Variants in MAST3 observed in about 807,000 individuals in gnomAD.
MAST3 encodes microtubule associated serine/threonine kinase 3.
A neutral mutation model predicts 127.0 loss-of-function variants in MAST3; 43 were observed. That is an observed-to-expected ratio of 0.34 (90% CI 0.27 to 0.44). MAST3 has a LOEUF of 0.44. Ranked by LOEUF, MAST3 falls within the 20% of genes least tolerant of loss-of-function variation. The pLI is 1.00. For missense variants in MAST3, 1,390 were observed against 1,919.1 expected, an observed-to-expected ratio of 0.72 and a Z score of 5.15; for synonymous variants, 785 against 809.2, an observed-to-expected ratio of 0.97 and a Z score of 0.51.
In MAST3 at chr19:18,149,753, C is replaced by T; in HGVS notation, c.*27C>T. On this transcript the variant is annotated 3_prime_UTR_variant, in exon 28 of 28. Coordinates refer to ENST00000687212, the MANE Select transcript of MAST3 (RefSeq NM_001393504.1). This position sits in a 1 kb window ranked among gnomAD's most constrained non-coding sequence, Gnocchi z 5.9. ...CCCCTGCCAGGTCTCTCCCTGGCAT[C>T]AAAGTTACGCGTTTTCTTGTGCAAT... The T allele has an allele frequency of 6.2e-7, 1 of 1,608,218 alleles. No homozygotes were observed. The highest frequency in any genetic ancestry group is 8.5e-7 in the Non-Finnish European group (1 of 1,178,956).
At chr19:18,117,297 C>A (rs2039380908) in intron 3 of MAST3, among the ~76,000 whole-genome samples, 1 of 152,188 alleles carries the variant, frequency 6.6e-6, no homozygotes, top group African/African-American at 2.4e-5. Context: ...CCCCTTACAT[C>A]TGATTTGTGT....
chr19:18,122,628 C>G, intron 5 of MAST3, 45 bp from the exon 6 acceptor site: 1 of 1,550,828 alleles, frequency 6.4e-7, no homozygotes, highest in Non-Finnish European at 8.8e-7. Flanking sequence ...CCACAAACCA[C>G]AGGGGCCAGG....
intron 20 of MAST3, among the ~76,000 whole-genome samples, chr19:18,139,883 G>A (rs1375965080): frequency 2.1e-5 from 3 of 141,980 alleles, no homozygotes; most frequent in Admixed American, 7.0e-5. Flanking sequence ...GCAGTGGCGT[G>A]ATCTCTGCTC....
At chr19:18,147,699 G>A in intron 27 of MAST3, 75 bp downstream of exon 27, 2 of 1,073,152 alleles carry the variant, frequency 1.9e-6, no homozygotes, top group Non-Finnish European at 1.3e-6. Context: ...AGGGAGGAAG[G>A]AGTTCAGGGG....
chr19:18,121,632 C>T (rs953666967), intron 3 of MAST3, 53 bp from the exon 4 acceptor site: 8 of 1,505,178 alleles, frequency 5.3e-6, no homozygotes, highest in Non-Finnish European at 7.4e-6. Flanking sequence ...GGGCAGGTGG[C>T]TTAGCGCGGG....
intron 20 of MAST3, among the ~76,000 whole-genome samples, chr19:18,140,978 G>A (rs545036841): frequency 5.9e-5 from 9 of 151,996 alleles, no homozygotes; most frequent in African/African-American, 2.2e-4. Context: ...ATTTTTAGTA[G>A]CGACCAGGTT....
chr19:18,146,967 C>A lies in MAST3; in HGVS notation c.3249C>A (p.Gly1083=). ...CCGCCCGGAAGAATGTGGCCAAGGG[C>A]CGCATGGCACGCAGGAGCAAGAGGA... ...VGPARKNVAK[G]RMARRSKRSR... is the part of the protein sequence containing the mutation. The change falls in exon 26 of 28, where the codon GGC becomes GGA. Residue 1083 remains glycine (G), a synonymous_variant. Coordinates refer to ENST00000687212, the MANE Select transcript of MAST3 (RefSeq NM_001393504.1). 1 of 1,564,084 alleles carries A rather than the reference C, an allele frequency of 6.4e-7. No individual in the cohort carries two copies. The highest frequency in any genetic ancestry group is 1.2e-5 in the South Asian group (1 of 84,744).
At chr19:18,100,750 T>TG (rs1022077963) in intron 1 of MAST3, among the ~76,000 whole-genome samples, 1 of 152,182 alleles carries the variant, frequency 6.6e-6, no homozygotes, top group African/African-American at 2.4e-5. Flanking sequence ...AGCCCCAGTT[T>TG]GGGGTCTCTT....
At chr19:18,106,030 T>C (rs2038043804) in intron 1 of MAST3, among the ~76,000 whole-genome samples, 1 of 152,200 alleles carries the variant, frequency 6.6e-6, no homozygotes, top group South Asian at 2.1e-4. Flanking sequence ...TATTAGTTTT[T>C]AGCCACTACT....
At chr19:18,117,098 C>A (rs2039361004) in intron 3 of MAST3, among the ~76,000 whole-genome samples, 1 of 151,718 alleles carries the variant, frequency 6.6e-6, no homozygotes, top group South Asian at 2.1e-4. Flanking sequence ...GACACTTCTG[C>A]TTCCATAGTG....
chr19:18,111,006 C>T (rs2038540865), intron 3 of MAST3, among the ~76,000 whole-genome samples: 1 of 152,162 alleles, frequency 6.6e-6, no homozygotes, highest in Non-Finnish European at 1.5e-5. Context: ...TTCGCCAAGA[C>T]AGGTGCCGGA....
chr19:18,097,822 C>A lies in MAST3; in HGVS notation c.30C>A (p.Arg10=). The change falls in exon 1 of 28, where the codon CGC becomes CGA. Residue 10 remains arginine, a synonymous_variant. Coordinates refer to ENST00000687212, the MANE Select transcript of MAST3 (RefSeq NM_001393504.1). The part of the protein sequence containing the change: MDESSLLRR[R]GLQKELSLPR... Reference sequence around the variant, plus strand: ...ACGAGTCGAGCCTCCTGCGGCGCCGCGGGCTCCAGGTGAGGCCCCTGCGCG... The same window carrying A: ...ACGAGTCGAGCCTCCTGCGGCGCCGAGGGCTCCAGGTGAGGCCCCTGCGCG... The A allele has an allele frequency of 8.1e-7, 1 of 1,226,998 alleles. No homozygotes were observed. Among genetic ancestry groups the A allele is most frequent in the South Asian group, 4.1e-5 (1 of 24,400 alleles). 76.0% of individuals were successfully genotyped at this position (1,226,998 alleles called of 1,614,324 possible).
intron 3 of MAST3, among the ~76,000 whole-genome samples, chr19:18,119,540 C>CT (rs2039703911): frequency 6.6e-6 from 1 of 152,226 alleles, no homozygotes; most frequent in South Asian, 2.1e-4. Flanking sequence ...ATTCCCAACT[C>CT]TGGGGCTTGT....
chr19:18,142,376 G>C (rs886492327), intron 21 of MAST3, among the ~76,000 whole-genome samples: 2 of 129,164 alleles, frequency 1.5e-5, no homozygotes, highest in Admixed American at 8.5e-5. Context: ...TTTTGAGACG[G>C]AGTCTCGCTC....
intron 8 of MAST3, 34 bp downstream of exon 8, chr19:18,123,689 C>T: frequency 8.2e-6 from 12 of 1,466,080 alleles, no homozygotes; most frequent in Non-Finnish European, 1.1e-5. Context: ...CCAGCCCCTG[C>T]ACTTCTTTCC....
Position 18,149,504 on chromosome 19 carries a change from G to A in MAST3, c.3822G>A (p.Glu1274=). ...GCACAGGGGAGCGGCTGGATGGGGA[G>A]GCGGGGCGGCGCACTCGTGGGCCAG... ...KLGTGERLDG[E]AGRRTRGPEA... The change falls in exon 28 of 28, where the codon GAG becomes GAA. Residue 1274 remains glutamate (E), a synonymous_variant. Coordinates refer to ENST00000687212, the MANE Select transcript of MAST3 (RefSeq NM_001393504.1). The surrounding 1 kb of genome is among the most constrained non-coding windows in gnomAD (Gnocchi z 5.9). The A allele has an allele frequency of 6.5e-7, 1 of 1,547,394 alleles. No individual in the cohort carries two copies. Among genetic ancestry groups the A allele is most frequent in the Non-Finnish European group, 8.7e-7 (1 of 1,146,108 alleles).
intron 11 of MAST3, 90 bp from the exon 12 acceptor site, chr19:18,128,310 G>C: frequency 1.1e-5 from 11 of 1,023,106 alleles, no homozygotes; most frequent in Non-Finnish European, 1.6e-5. Context: ...CCCCAGCCTG[G>C]GGTGAGAACT....
At position 18,146,732 on chromosome 19, in the gene MAST3, AT is replaced by A. The variant is rs2043053589; in HGVS notation, c.3163-147del. 3.9e-5 allele frequency: 26 copies of A among 669,400 alleles called. No homozygotes were observed. The South Asian group carries it at 5.9e-4, about 15-fold the overall frequency. The allele number at this position is 669,400 out of a possible 1,614,324, so 41.5% of individuals were successfully genotyped here. The stretch of plus-strand genomic sequence containing the variant: ...CCTGGGCTATTGTTTGACCGGATAT[AT>A]TGGGTAGGTCACTGGTTGTGTGGAT... On this transcript the variant is annotated intron_variant, in intron 25 of 27. Coordinates refer to ENST00000687212, the MANE Select transcript of MAST3 (RefSeq NM_001393504.1).
chr19:18,121,817 C>T, intron 4 of MAST3, 36 bp from the exon 5 acceptor site: 1 of 1,613,936 alleles, frequency 6.2e-7, no homozygotes, highest in South Asian at 1.1e-5. Flanking sequence ...CTGCCTCTGC[C>T]CCGCTGACTC....
Sources: allele counts gnomAD v4.1 joint callset (sites outside exome capture counted in the v4.1 genomes callset), GRCh38; gene constraint gnomAD v4.1.1; non-coding constraint Gnocchi (gnomAD v3.1); transcripts MANE v1.5; gene names NCBI Gene and HGNC (gene_info 2026-07-23, HGNC 2026-07-21).